The following NUDCD3 variants were observed in gnomAD, a reference collection of about 807,000 sequenced individuals.
NUDCD3 encodes nudC domain-containing protein 3.
Under a neutral mutation model 39.7 loss-of-function variants are expected in NUDCD3, and 13 were observed. The ratio of observed to expected loss-of-function variants is 0.33; its 90% CI spans 0.21 to 0.52. NUDCD3 has a LOEUF of 0.52. NUDCD3 is among the 20% of genes least tolerant of loss of function. NUDCD3 has a pLI of 0.96. For missense variants in NUDCD3, 453 were observed against 458.1 expected (o/e 0.99, Z 0.10); for synonymous variants, 175 against 172.4 (o/e 1.02, Z -0.12).
intron 2 of NUDCD3, among the ~76,000 whole-genome samples, chr7:44,436,017 C>CA (rs1356840359): frequency 6.6e-6 from 1 of 151,516 alleles, no homozygotes; most frequent in Non-Finnish European, 1.5e-5. Context: ...TGGCATGGGA[C>CA]AAAAAATGAG....
intron 5 of NUDCD3, among the ~76,000 whole-genome samples, chr7:44,389,321 A>T (rs547680767): frequency 6.6e-6 from 1 of 152,310 alleles, no homozygotes; most frequent in East Asian, 1.9e-4. Context: ...GCCTCGGCTT[A>T]CCTGGAATGA....
At chr7:44,431,614 C>T (rs1799365172) in intron 2 of NUDCD3, among the ~76,000 whole-genome samples, 1 of 151,672 alleles carries the variant, frequency 6.6e-6, no homozygotes, top group South Asian at 2.1e-4. Context: ...ACTGACCTAC[C>T]CAATCTGCCT....
At chr7:44,413,439 G>C (rs1002336291) in intron 3 of NUDCD3, among the ~76,000 whole-genome samples, 1 of 152,100 alleles carries the variant, frequency 6.6e-6, no homozygotes, top group African/African-American at 2.4e-5. Context: ...ACCTACAAAG[G>C]ACTGATCTCT....
At chr7:44,488,236 G>A (rs1451791852) in intron 1 of NUDCD3, among the ~76,000 whole-genome samples, 4 of 151,200 alleles carry the variant, frequency 2.6e-5, no homozygotes, top group African/African-American at 9.7e-5. Flanking sequence ...TCGAGAGGCT[G>A]AGGCAGGAGA....
intron 2 of NUDCD3, among the ~76,000 whole-genome samples, chr7:44,468,718 T>G (rs576935694): frequency 1.6e-4 from 25 of 152,202 alleles, no homozygotes; most frequent in South Asian, 6.2e-4. Context: ...CCCAAGGACT[T>G]CTTGGAGAAA....
intron 4 of NUDCD3, among the ~76,000 whole-genome samples, chr7:44,394,201 A>G (rs1462147236): frequency 1.3e-5 from 2 of 152,050 alleles, no homozygotes; most frequent in Non-Finnish European, 2.9e-5. Flanking sequence ...CTTGTCTGAC[A>G]TTCCGAATGC....
At chr7:44,449,852 T>TAAAAA (rs58410314) in intron 2 of NUDCD3, among the ~76,000 whole-genome samples, 1 of 100,842 alleles carries the variant, frequency 9.9e-6, no homozygotes. Context: ...ACATGATCCA[T>TAAAAA]AAAAAAAAAA....
At position 44,381,155 on chromosome 7, in the gene NUDCD3, C is replaced by T. The variant is rs11765303; in HGVS notation, c.*4856G>A. 116,428 of 152,274 alleles carry T rather than the reference C, an allele frequency of 0.76. 45,668 individuals are homozygous for T. The highest frequency in any genetic ancestry group is 0.94 in the East Asian group (4,855 of 5,176). 9.4% of individuals were successfully genotyped at this position (152,274 alleles called of 1,614,324 possible). On this transcript the variant is annotated 3_prime_UTR_variant, in exon 6 of 6. Coordinates refer to ENST00000355451, the MANE Select transcript of NUDCD3 (RefSeq NM_015332.4). ...CTTCCCCATCCAACACAGATCATCT[C>T]CAATGTGCCAGACCTGTGCTGGGCA...
intron 3 of NUDCD3, among the ~76,000 whole-genome samples, chr7:44,414,044 A>G (rs1798977144): frequency 6.6e-6 from 1 of 152,146 alleles, no homozygotes; most frequent in Non-Finnish European, 1.5e-5. Flanking sequence ...CAAAAAAAAA[A>G]AAGAAAAAAG....
chr7:44,387,781 A>G (rs931957194), intron 5 of NUDCD3, among the ~76,000 whole-genome samples: 4 of 152,152 alleles, frequency 2.6e-5, no homozygotes, highest in Admixed American at 2.6e-4. Context: ...CAGCACTCAG[A>G]CCTTTCCTGA....
intron 2 of NUDCD3, among the ~76,000 whole-genome samples, chr7:44,444,380 C>T (rs1396053408): frequency 6.6e-6 from 1 of 152,104 alleles, no homozygotes; most frequent in East Asian, 1.9e-4. Flanking sequence ...CGAGGTGTCC[C>T]AGGCCTGGGG....
At chr7:44,421,365 C>T (rs922328231) in intron 3 of NUDCD3, among the ~76,000 whole-genome samples, 2 of 146,072 alleles carry the variant, frequency 1.4e-5, no homozygotes, top group Admixed American at 6.9e-5. Context: ...CACAGACTGG[C>T]AAATTGCATA....
chr7:44,437,625 T>C (rs1400938080), intron 2 of NUDCD3, among the ~76,000 whole-genome samples: 2 of 152,198 alleles, frequency 1.3e-5, no homozygotes, highest in African/African-American at 4.8e-5. Context: ...ACTGTTTGAT[T>C]AGTCAGGAAG....
intron 1 of NUDCD3, chr7:44,489,727 T>TAAGC (rs10624704): frequency 1.3e-5 from 2 of 151,300 alleles, no homozygotes; most frequent in Non-Finnish European, 1.5e-5. Context: ...TCTTTAACTG[T>TAAGC]GTCACAAGGA....
At chr7:44,441,989 C>A (rs996588994) in intron 2 of NUDCD3, among the ~76,000 whole-genome samples, 4 of 152,068 alleles carry the variant, frequency 2.6e-5, no homozygotes, top group African/African-American at 9.7e-5. Context: ...CTCACTGTGC[C>A]CTTGGGTTCA....
intron 3 of NUDCD3, chr7:44,426,088 T>G: frequency 4.1e-6 from 4 of 982,248 alleles, no homozygotes; most frequent in Middle Eastern, 1.0e-3. Context: ...ACTTCATCGC[T>G]GTGACCTGGG....
At chr7:44,426,401 C>G (rs1799236259) in intron 3 of NUDCD3, 1 of 152,526 alleles carries the variant, frequency 6.6e-6, no homozygotes, top group Admixed American at 6.5e-5. Flanking sequence ...GGATGGGATG[C>G]CCTTAGAGGA....
At chr7:44,410,096 T>C (rs1023106486) in intron 3 of NUDCD3, among the ~76,000 whole-genome samples, 3 of 152,008 alleles carry the variant, frequency 2.0e-5, no homozygotes, top group African/African-American at 7.3e-5. Context: ...AGAAAGAATA[T>C]TTGAAAGAAT....
Position 44,485,205 on chromosome 7 carries a change from T to C in NUDCD3, c.272A>G (p.Lys91Arg), listed in dbSNP as rs1209514130. 6 of 1,614,210 alleles carry C rather than the reference T, an allele frequency of 3.7e-6. No individual in the cohort carries two copies. Among genetic ancestry groups the C allele is most frequent in the Non-Finnish European group, 5.1e-6 (6 of 1,180,012 alleles). ...CACAGTCTTGGCCTCTTCCTCTTCC[T>C]TTCTTCTGATTTTCTCTTCAAGTTC... ...RQELEEKIRRKEEEEAKTVSA... is the reference protein window; with the variant it reads ...RQELEEKIRRREEEEAKTVSA... Residue 91 changes from lysine (K) to arginine (R), a missense_variant, in exon 2 of 6, where the codon AAG becomes AGG. Transcript: ENST00000355451.
Sources: allele counts gnomAD v4.1 joint callset (sites outside exome capture counted in the v4.1 genomes callset), GRCh38; gene constraint gnomAD v4.1.1; transcripts MANE v1.5; gene names NCBI Gene and HGNC (gene_info 2026-07-23, HGNC 2026-07-21).